ZNF410: variants seen among roughly 807,000 people sequenced by gnomAD.
ZNF410 encodes another partner for ARF 1.
ZNF410 carries 18 observed loss-of-function variants against 54.8 expected under a neutral mutation model. The ratio of observed to expected loss-of-function variants is 0.33; its 90% CI spans 0.23 to 0.49. The LOEUF (loss-of-function observed/expected upper bound fraction) is 0.49. Ranked by LOEUF, ZNF410 falls within the 20% of genes least tolerant of loss-of-function variation. The pLI is 0.99. For synonymous variants in ZNF410, 191 were observed against 207.3 expected, an observed-to-expected ratio of 0.92 and a Z score of 0.68; for missense variants, 405 against 569.6, an observed-to-expected ratio of 0.71 and a Z score of 2.94.
intron 1 of ZNF410, among the ~76,000 whole-genome samples, chr14:73,887,805 A>C (rs892771856): frequency 1.3e-5 from 2 of 152,232 alleles, no homozygotes; most frequent in Non-Finnish European, 2.9e-5. Context: ...TACGTTTTGC[A>C]TCTAAGTAGA....
intron 8 of ZNF410, among the ~76,000 whole-genome samples, chr14:73,910,749 G>A (rs1194269377): frequency 4.1e-5 from 4 of 97,866 alleles, no homozygotes; most frequent in Non-Finnish European, 5.8e-5. Context: ...GCGAAACTCC[G>A]TCTCAAAAAA....
In ZNF410 at chr14:73,932,474, C is replaced by T. The variant is rs752155118; in HGVS notation, c.*933C>T. On this transcript the variant is annotated 3_prime_UTR_variant, in exon 12 of 12. Coordinates refer to ENST00000555044, the MANE Select transcript of ZNF410 (RefSeq NM_021188.3). ...GTTACTCTGTCACCACCAAAAAAGA[C>T]GCATCTGAGAAAATGGCAATAAAAA... 1.1e-5 allele frequency: 5 copies of T among 453,882 alleles called. No homozygotes were observed. The highest frequency in any genetic ancestry group is 7.2e-5 in the Admixed American group (3 of 41,906). 28.1% of individuals were successfully genotyped at this position (453,882 alleles called of 1,614,324 possible). A position where few individuals can be genotyped will look rare whatever the true frequency, so the allele number is the denominator to read the frequency against.
chr14:73,889,682 CTG>C (rs2055195944), intron 1 of ZNF410, among the ~76,000 whole-genome samples: 1 of 151,920 alleles, frequency 6.6e-6, no homozygotes, highest in African/African-American at 2.4e-5. Flanking sequence ...CCATATGAAA[CTG>C]TTGCAGTGCT....
Position 73,905,016 on chromosome 14 carries a change from T to C in ZNF410, c.846T>C (p.His282=), listed in dbSNP as rs769709444. The C allele has an allele frequency of 2.5e-6, 4 of 1,613,994 alleles. No individual in the cohort carries two copies. The highest frequency in any genetic ancestry group is 1.7e-4 in the Middle Eastern group (1 of 6,016). The stretch of plus-strand genomic sequence containing the variant: ...ATGGAGAGAAGCCCTTTATGTGCCA[T>C]GAGTCTGGCTGTGGTAAGCAGTTTA... The part of the protein sequence containing the change: ...THNGEKPFMC[H]ESGCGKQFTT... The change falls in exon 7 of 12, where the codon CAT becomes CAC. Residue 282 remains histidine (H), a synonymous_variant. Coordinates refer to ENST00000555044, the MANE Select transcript of ZNF410 (RefSeq NM_021188.3).
In ZNF410 at chr14:73,907,251, T is replaced by G. The variant is rs553415029; in HGVS notation, c.914-2090T>G. ...ATTTTTAAATGCTGACAACTCAGTT[T>G]ATCTCAAATGTCAAAATTGACCTCA... On this transcript the variant is annotated intron_variant, in intron 7 of 11. Coordinates refer to ENST00000555044, the MANE Select transcript of ZNF410 (RefSeq NM_021188.3). 2.0e-5 allele frequency among the ~76,000 whole-genome samples: 3 copies of G among 152,314 alleles called. No individual in the cohort carries two copies. In the South Asian group the frequency reaches 6.2e-4, roughly 32 times the overall value.
Position 73,904,821 on chromosome 14 carries a change from G to C in ZNF410, c.732-81G>C. On this transcript the variant is annotated intron_variant, in intron 6 of 11. Coordinates refer to ENST00000555044, the MANE Select transcript of ZNF410 (RefSeq NM_021188.3). ...AGTTTTTGGACTTACTGTTTGCCTT[G>C]AGAGTCAATAGGGGCTTTGACTTGT... 5 of 1,464,238 alleles carry C rather than the reference G, an allele frequency of 3.4e-6. No individual in the cohort carries two copies. The South Asian group carries it at 6.7e-5, about 20-fold the overall frequency. 90.7% of individuals were successfully genotyped at this position (1,464,238 alleles called of 1,614,324 possible).
At chr14:73,903,101 C>T (rs2055432007) in intron 5 of ZNF410, among the ~76,000 whole-genome samples, 1 of 152,196 alleles carries the variant, frequency 6.6e-6, no homozygotes, top group African/African-American at 2.4e-5. Context: ...ACCAGAATGA[C>T]TACTTCTTCT....
chr14:73,929,742 A>G (rs2055883698), intron 11 of ZNF410, among the ~76,000 whole-genome samples: 1 of 151,984 alleles, frequency 6.6e-6, no homozygotes, highest in Non-Finnish European at 1.5e-5. Context: ...ACTTGGGCCC[A>G]GGAAGTTGAG....
In ZNF410 at chr14:73,893,839, CA is replaced by C. The variant is rs770342787; in HGVS notation, c.77del (p.Gln26ArgfsTer4). 6.2e-7 allele frequency: 1 copy of C among 1,614,070 alleles called. No homozygotes were observed. Among genetic ancestry groups the C allele is most frequent in the Non-Finnish European group, 8.5e-7 (1 of 1,179,998 alleles). ...TCAGAATACGTCCATCCCATTGGGA[CA>C]GGGGCTTGTAGAATCAGAAGCTAAA... ...FVQNTSIPLG[Q>X]GLVESEAKDI... On this transcript the variant is annotated frameshift_variant, in exon 3 of 12. Transcript: ENST00000555044. LOFTEE classifies it high-confidence loss of function.
chr14:73,888,729 G>A (rs745639787), intron 1 of ZNF410, among the ~76,000 whole-genome samples: 1 of 152,152 alleles, frequency 6.6e-6, no homozygotes. Context: ...TGTATTTGCC[G>A]TTACACCTAT....
chr14:73,897,711 C>T (rs535383257), intron 4 of ZNF410, among the ~76,000 whole-genome samples: 7 of 152,184 alleles, frequency 4.6e-5, no homozygotes, highest in East Asian at 1.9e-4. Flanking sequence ...CAGTGGCTCA[C>T]GCCTGTAATC....
chr14:73,905,888 CAT>C (rs200264163), intron 7 of ZNF410, among the ~76,000 whole-genome samples: 1,611 of 148,838 alleles, frequency 0.011, 26 homozygotes, highest in African/African-American at 0.038. Flanking sequence ...AAATAAAAGG[CAT>C]ATATATACAT....
intron 1 of ZNF410, among the ~76,000 whole-genome samples, chr14:73,889,250 G>A (rs2140289871): frequency 6.6e-6 from 1 of 151,988 alleles, no homozygotes; most frequent in Non-Finnish European, 1.5e-5. Context: ...TCACTGTTCA[G>A]TGCAGCCTCG....
At chr14:73,920,278 C>A (rs1321094091) in intron 8 of ZNF410, 1 of 152,022 alleles carries the variant, frequency 6.6e-6, no homozygotes, top group Non-Finnish European at 1.5e-5. Flanking sequence ...TCCTTATTTC[C>A]AGTGTCTTAA....
intron 5 of ZNF410, chr14:73,898,513 T>TA (rs2140299645): frequency 3.6e-6 from 2 of 550,810 alleles, no homozygotes; most frequent in Non-Finnish European, 6.4e-6. Flanking sequence ...GAAAAAATAA[T>TA]ATACATCCTG....
chr14:73,905,801 G>A (rs150703612), intron 7 of ZNF410, among the ~76,000 whole-genome samples: 49 of 145,782 alleles, frequency 3.4e-4, no homozygotes, highest in African/African-American at 1.1e-3. Flanking sequence ...CAAAATGACA[G>A]CAGGTAAAAT....
At chr14:73,899,255 C>CT (rs80051204) in intron 5 of ZNF410, among the ~76,000 whole-genome samples, 25 of 146,270 alleles carry the variant, frequency 1.7e-4, no homozygotes, top group South Asian at 8.6e-4. Flanking sequence ...AACATTAAAT[C>CT]TTTTTTTTTT....
intron 11 of ZNF410, among the ~76,000 whole-genome samples, chr14:73,925,420 C>T (rs1220942182): frequency 6.6e-6 from 1 of 150,908 alleles, no homozygotes; most frequent in Non-Finnish European, 1.5e-5. Flanking sequence ...TCACACCTGT[C>T]TCCTAACTTT....
intron 7 of ZNF410, among the ~76,000 whole-genome samples, chr14:73,907,957 C>G (rs114620894): frequency 0.011 from 1,676 of 152,008 alleles, 26 homozygotes; most frequent in African/African-American, 0.038. Flanking sequence ...TACTATGTGC[C>G]AGGCACTATG....
Sources: allele counts gnomAD v4.1 joint callset (sites outside exome capture counted in the v4.1 genomes callset), GRCh38; gene constraint gnomAD v4.1.1; transcripts MANE v1.5; gene names NCBI Gene and HGNC (gene_info 2026-07-23, HGNC 2026-07-21).